The following PVALB variants were observed in gnomAD, a reference collection of about 807,000 sequenced individuals.
The protein encoded by PVALB is parvalbumin.
PVALB carries 11 observed loss-of-function variants against 10.9 expected under a neutral mutation model. The observed-to-expected ratio is 1.01, with a 90% CI of 0.63 to 1.67. The LOEUF is 1.67. Ranked by LOEUF, PVALB falls within the 40% of genes most tolerant of loss-of-function variation. The probability of loss-of-function intolerance (pLI) is 0.00; values close to 1 mark genes in which losing one functional copy is unlikely to be tolerated. For synonymous variants in PVALB, 57 were observed against 50.7 expected, an observed-to-expected ratio of 1.12 and a Z score of -0.53; for missense variants, 131 against 136.2, an observed-to-expected ratio of 0.96 and a Z score of 0.19.
chr22:36,809,699 A>C (rs1939016319), intron 3 of PVALB, among the ~76,000 whole-genome samples: 1 of 152,102 alleles, frequency 6.6e-6, no homozygotes, highest in Admixed American at 6.6e-5. Flanking sequence ...CGCTCTATGA[A>C]CTTAGATGCT....
rs1939082377 is a variant in PVALB, at chr22:36,813,668, C to T, written c.282G>A (p.Gly94=). ...CACCGTCAACCCCAATTTTGCCGTC[C>T]CCATCTTTGTCTCCAGCAGCCATCA... ...KMLMAAGDKD[G]DGKIGVDEFS... The change falls in exon 3 of 4, where the codon GGG becomes GGA. Residue 94 remains glycine, a synonymous_variant. Transcript: ENST00000417718. The T allele has an allele frequency of 1.2e-6, 2 of 1,613,888 alleles. No homozygotes were observed. The highest frequency in any genetic ancestry group is 1.7e-5 in the Admixed American group (1 of 59,998).
chr22:36,808,416 C>T (rs1164658364), intron 3 of PVALB, among the ~76,000 whole-genome samples: 2 of 151,934 alleles, frequency 1.3e-5, no homozygotes, highest in South Asian at 2.1e-4. Flanking sequence ...GGCAGAGGGT[C>T]CTGGCTGGAC....
At chr22:36,802,148 G>A (rs1280242489) in intron 3 of PVALB, among the ~76,000 whole-genome samples, 1 of 152,100 alleles carries the variant, frequency 6.6e-6, no homozygotes, top group African/African-American at 2.4e-5. Context: ...ATTGTACTGT[G>A]GTTATGTAAA....
At chr22:36,811,454 A>T in intron 3 of PVALB, 1 of 470,820 alleles carries the variant, frequency 2.1e-6, no homozygotes, top group African/African-American at 2.0e-5. Flanking sequence ...CAGTCAGGAA[A>T]TGGGCCTGAA....
intron 3 of PVALB, among the ~76,000 whole-genome samples, chr22:36,810,652 T>C (rs1939031869): frequency 6.6e-6 from 1 of 152,218 alleles, no homozygotes; most frequent in Non-Finnish European, 1.5e-5. Flanking sequence ...CCTTTCTACA[T>C]CTGCACTTAT....
At chr22:36,815,010 G>T (rs1939114425) in intron 2 of PVALB, 93 bp downstream of exon 2, 1 of 1,500,116 alleles carries the variant, frequency 6.7e-7, no homozygotes, top group South Asian at 1.2e-5. Context: ...AGAGTGAAAG[G>T]CAGGTCTGAT....
chr22:36,813,719 G>A lies in PVALB; in HGVS notation c.231C>T (p.Asp77=). Residue 77 remains aspartate (D), a synonymous_variant, in exon 3 of 4, where the codon GAC becomes GAT. Coordinates refer to ENST00000417718, the MANE Select transcript of PVALB (RefSeq NM_001315532.2). ...ILKGFSPDAR[D]LSAKETKMLM... is the part of the protein sequence containing the mutation. ...GCATCTTGGTTTCTTTAGCAGACAG[G>A]TCTCTGGCATCTGGGGAGAAGCCTT... is the stretch of plus-strand genomic sequence containing the variant. 3 of 1,614,082 alleles carry A rather than the reference G, an allele frequency of 1.9e-6. No homozygotes were observed. Among genetic ancestry groups the A allele is most frequent in the Non-Finnish European group, 8.5e-7 (1 of 1,179,956 alleles).
intron 3 of PVALB, among the ~76,000 whole-genome samples, chr22:36,808,552 G>A (rs1045923050): frequency 6.6e-6 from 1 of 152,204 alleles, no homozygotes; most frequent in African/African-American, 2.4e-5. Flanking sequence ...TTATTGTAAG[G>A]CAGTGGTCTT....
intron 3 of PVALB, among the ~76,000 whole-genome samples, chr22:36,812,567 A>G (rs1297183970): frequency 6.6e-6 from 1 of 152,224 alleles, no homozygotes; most frequent in Non-Finnish European, 1.5e-5. Flanking sequence ...AAGAATTATC[A>G]TTCTATTCAG....
intron 3 of PVALB, among the ~76,000 whole-genome samples, chr22:36,810,316 C>G (rs1939027018): frequency 6.6e-6 from 1 of 152,206 alleles, no homozygotes; most frequent in Admixed American, 6.5e-5. Flanking sequence ...GAGAGAGTGA[C>G]AGCAAAGCAG....
chr22:36,811,456 G>T (rs2145951162), intron 3 of PVALB: 1 of 470,852 alleles, frequency 2.1e-6, no homozygotes, highest in South Asian at 1.6e-5. Context: ...GTCAGGAAAT[G>T]GGCCTGAATT....
chr22:36,808,137 A>G (rs569572978), intron 3 of PVALB, among the ~76,000 whole-genome samples: 25 of 152,334 alleles, frequency 1.6e-4, no homozygotes, highest in African/African-American at 6.0e-4. Context: ...TTAGGAGTCA[A>G]GGTTTGAAGA....
intron 3 of PVALB, among the ~76,000 whole-genome samples, chr22:36,812,586 T>C (rs1290662343): frequency 1.3e-5 from 2 of 152,232 alleles, no homozygotes; most frequent in African/African-American, 4.8e-5. Context: ...AGTTCAGAGA[T>C]GAGAAAACAG....
At position 36,813,380 on chromosome 22, in the gene PVALB, C is replaced by T. The variant is rs561648258; in HGVS notation, c.304+266G>A. 1.9e-4 allele frequency: 82 copies of T among 425,706 alleles called. 1 individual carries two copies. In the South Asian group the frequency reaches 3.1e-3, roughly 16 times the overall value. The allele number at this position is 425,706 out of a possible 1,614,324, so 26.4% of individuals were successfully genotyped here. A position where few individuals can be genotyped will look rare whatever the true frequency, so the allele number is the denominator to read the frequency against. ...CAGGCAGAGTTCAGGAAAAAAAAATCCCAAATCCTCCTGGATCCCCTACCC... is the reference window on the plus strand; with the variant it reads ...CAGGCAGAGTTCAGGAAAAAAAAATTCCAAATCCTCCTGGATCCCCTACCC... On this transcript the variant is annotated intron_variant, in intron 3 of 3. Transcript: ENST00000417718.
chr22:36,806,025 T>C (rs1938943631), intron 3 of PVALB, among the ~76,000 whole-genome samples: 1 of 152,152 alleles, frequency 6.6e-6, no homozygotes, highest in Non-Finnish European at 1.5e-5. Context: ...ATGGGGATAC[T>C]GGGACTATCT....
chr22:36,805,093 A>G (rs1258231095), intron 3 of PVALB, among the ~76,000 whole-genome samples: 1 of 152,166 alleles, frequency 6.6e-6, no homozygotes, highest in East Asian at 1.9e-4. Context: ...CTGTCCCTGG[A>G]CAAGATGCCT....
intron 3 of PVALB, among the ~76,000 whole-genome samples, chr22:36,811,839 G>A (rs1171180910): frequency 2.6e-5 from 4 of 152,040 alleles, no homozygotes; most frequent in African/African-American, 7.3e-5. Context: ...CCCCAGGAGC[G>A]GCCAAGCCAA....
At chr22:36,801,057 A>AAATG in intron 3 of PVALB, 139 bp from the exon 4 acceptor site, 1 of 750,482 alleles carries the variant, frequency 1.3e-6, no homozygotes, top group East Asian at 2.7e-5. Context: ...GTAAGTGTGA[A>AAATG]AATGAATGAA....
chr22:36,803,852 G>C (rs1938910825), intron 3 of PVALB, among the ~76,000 whole-genome samples: 1 of 152,188 alleles, frequency 6.6e-6, no homozygotes. Context: ...CTGGGAAGGT[G>C]AGGTGTCAGG....
Sources: gnomAD v4.1 joint callset for allele counts (sites outside exome capture counted in the v4.1 genomes callset) on GRCh38, gnomAD v4.1.1 for gene constraint, MANE v1.5 for transcripts, NCBI Gene and HGNC (gene_info 2026-07-23, HGNC 2026-07-21) for gene names.